UBAP1: variants seen among roughly 807,000 people sequenced by gnomAD.
The protein encoded by UBAP1 is ubiquitin-associated protein 1.
In UBAP1, 5 loss-of-function variants were observed where a neutral mutation model predicts 39.0. The observed-to-expected ratio is 0.13, with a 90% CI of 0.07 to 0.27. The LOEUF is 0.27. Ranked by LOEUF, UBAP1 falls within the 10% of genes least tolerant of loss-of-function variation. The pLI, the probability that UBAP1 is intolerant of heterozygous loss-of-function variation, is 1.00. For synonymous variants in UBAP1, 211 were observed against 225.1 expected (o/e 0.94, Z 0.56); for missense variants, 490 against 608.1 (o/e 0.81, Z 2.04).
At chr9:34,220,783 G>A in intron 1 of UBAP1, 125 bp from the exon 2 acceptor site, 1 of 722,156 alleles carries the variant, frequency 1.4e-6, no homozygotes, top group South Asian at 1.8e-5. Flanking sequence ...GACTTTGGGA[G>A]TGAGACGTGA....
chr9:34,230,047 T>A (rs1257907868), intron 2 of UBAP1, among the ~76,000 whole-genome samples: 1 of 152,138 alleles, frequency 6.6e-6, no homozygotes, highest in African/African-American at 2.4e-5. Context: ...AACTTGGTTA[T>A]TTAAGAAAAT....
At chr9:34,238,806 A>G (rs1833825631) in intron 3 of UBAP1, among the ~76,000 whole-genome samples, 1 of 152,194 alleles carries the variant, frequency 6.6e-6, no homozygotes, top group Non-Finnish European at 1.5e-5. Flanking sequence ...ATGATTTAAA[A>G]ACACCTGTCT....
intron 3 of UBAP1, among the ~76,000 whole-genome samples, chr9:34,239,172 G>A (rs529475629): frequency 6.0e-4 from 92 of 152,350 alleles, no homozygotes; most frequent in African/African-American, 2.1e-3. Context: ...AGCCTCCTGA[G>A]TAGCTGGGAC....
At chr9:34,239,304 C>T (rs1833849117) in intron 3 of UBAP1, among the ~76,000 whole-genome samples, 1 of 152,224 alleles carries the variant, frequency 6.6e-6, no homozygotes, top group African/African-American at 2.4e-5. Context: ...CTTGGCCTCT[C>T]AAAGGAGGCC....
intron 4 of UBAP1, among the ~76,000 whole-genome samples, chr9:34,249,369 A>G (rs1227052973): frequency 6.6e-6 from 1 of 152,134 alleles, no homozygotes; most frequent in Admixed American, 6.6e-5. Context: ...CTCAGAACTG[A>G]TACTTCAGCC....
At chr9:34,207,947 T>G (rs879569047) in intron 1 of UBAP1, among the ~76,000 whole-genome samples, 2 of 152,234 alleles carry the variant, frequency 1.3e-5, no homozygotes, top group African/African-American at 2.4e-5. Flanking sequence ...GCTAAGCAAT[T>G]GTGATAATAA....
intron 2 of UBAP1, among the ~76,000 whole-genome samples, chr9:34,226,268 C>T (rs1335175704): frequency 1.4e-5 from 2 of 145,046 alleles, no homozygotes; most frequent in South Asian, 4.3e-4. Flanking sequence ...CCCGCTCTGT[C>T]GCCCATGCTG....
intron 2 of UBAP1, 45 bp from the exon 3 acceptor site, chr9:34,234,171 A>G: frequency 6.4e-7 from 1 of 1,563,184 alleles, no homozygotes; most frequent in South Asian, 1.2e-5. Context: ...CAAAACAAAT[A>G]ATGAAGTTCT....
chr9:34,227,749 A>G (rs7041930), intron 2 of UBAP1, among the ~76,000 whole-genome samples: 236 of 152,338 alleles, frequency 1.5e-3, no homozygotes, highest in African/African-American at 5.3e-3. Context: ...ACTTAGGAAA[A>G]TGGGTGCAAA....
At chr9:34,204,976 G>A (rs554645143) in intron 1 of UBAP1, among the ~76,000 whole-genome samples, 28 of 152,206 alleles carry the variant, frequency 1.8e-4, no homozygotes, top group African/African-American at 6.3e-4. Flanking sequence ...TTAAGATGCT[G>A]ACTTGAAATT....
At chr9:34,189,558 A>T (rs754286378) in intron 1 of UBAP1, among the ~76,000 whole-genome samples, 37 of 152,130 alleles carry the variant, frequency 2.4e-4, no homozygotes, top group Non-Finnish European at 4.9e-4. Flanking sequence ...TCAAGGTCAA[A>T]TGGTCAGCCA....
chr9:34,231,924 C>T (rs1563914990), intron 2 of UBAP1, among the ~76,000 whole-genome samples: 12 of 152,178 alleles, frequency 7.9e-5, no homozygotes. Flanking sequence ...AGCCACTGTG[C>T]CCGGCCGGGA....
intron 2 of UBAP1, among the ~76,000 whole-genome samples, chr9:34,227,310 A>G (rs1279602197): frequency 1.3e-5 from 2 of 151,672 alleles, no homozygotes; most frequent in Non-Finnish European, 2.9e-5. Flanking sequence ...TTATTTATTT[A>G]TTTATTTATT....
chr9:34,189,158 C>A (rs990742262), intron 1 of UBAP1, among the ~76,000 whole-genome samples: 4 of 151,546 alleles, frequency 2.6e-5, no homozygotes, highest in African/African-American at 9.7e-5. Flanking sequence ...CAGTAACTTC[C>A]CCATTTCTTT....
chr9:34,179,465 T>A (rs1489551325), intron 1 of UBAP1, among the ~76,000 whole-genome samples: 1 of 151,220 alleles, frequency 6.6e-6, no homozygotes, highest in African/African-American at 2.4e-5. Context: ...GGAAGTGGGA[T>A]GCGGAAAAAT....
At chr9:34,215,289 GTATA>G (rs567898078) in intron 1 of UBAP1, among the ~76,000 whole-genome samples, 2 of 151,506 alleles carry the variant, frequency 1.3e-5, no homozygotes, top group African/African-American at 2.4e-5. Context: ...GTGTGTGTGT[GTATA>G]TATATGTATA....
intron 2 of UBAP1, among the ~76,000 whole-genome samples, chr9:34,223,754 C>T (rs1225663260): frequency 1.3e-5 from 2 of 152,114 alleles, no homozygotes; most frequent in Admixed American, 6.5e-5. Context: ...CGTGCCCGGC[C>T]CAAAGTGTTA....
intron 1 of UBAP1, among the ~76,000 whole-genome samples, chr9:34,213,928 CA>C (rs551770576): frequency 1.5e-3 from 207 of 141,708 alleles, no homozygotes; most frequent in Admixed American, 1.9e-3. Context: ...ACAACAGCTG[CA>C]AAAAAAAAAA....
chr9:34,219,084 G>T (rs1209075243), intron 1 of UBAP1, among the ~76,000 whole-genome samples: 1 of 151,888 alleles, frequency 6.6e-6, no homozygotes, highest in African/African-American at 2.4e-5. Context: ...CTGAAAAATG[G>T]AAACTTTTTT....
Sources: gnomAD v4.1 joint callset for allele counts (sites outside exome capture counted in the v4.1 genomes callset) on GRCh38, gnomAD v4.1.1 for gene constraint, MANE v1.5 for transcripts, NCBI Gene and HGNC (gene_info 2026-07-23, HGNC 2026-07-21) for gene names.